The following BRMS1L variants were observed in gnomAD, a reference collection of about 807,000 sequenced individuals.
The protein encoded by BRMS1L is BRMS1 like transcriptional repressor.
BRMS1L carries 23 observed loss-of-function variants against 50.3 expected under a neutral mutation model. The ratio of observed to expected loss-of-function variants is 0.46; its 90% CI spans 0.33 to 0.65. BRMS1L has a LOEUF of 0.65. Among genes scored for constraint, BRMS1L ranks in the 30% least tolerant of loss-of-function variants. The probability of loss-of-function intolerance (pLI) is 0.02; values close to 1 mark genes in which losing one functional copy is unlikely to be tolerated. For synonymous variants in BRMS1L, 114 were observed against 126.9 expected, an observed-to-expected ratio of 0.90 and a Z score of 0.69; for missense variants, 286 against 386.1, an observed-to-expected ratio of 0.74 and a Z score of 2.17.
At chr14:35,829,873 T>C in intron 1 of BRMS1L, 2 of 1,218,680 alleles carry the variant, frequency 1.6e-6, no homozygotes, top group Non-Finnish European at 2.1e-6. Flanking sequence ...ATATGTGATA[T>C]GAACATAGAA....
At chr14:35,835,185 T>C (rs1374388131) in intron 4 of BRMS1L, among the ~76,000 whole-genome samples, 1 of 152,174 alleles carries the variant, frequency 6.6e-6, no homozygotes, top group African/African-American at 2.4e-5. Context: ...GCAACGATTA[T>C]GTCACCTGGC....
In BRMS1L at chr14:35,867,996, C is replaced by A. The variant is rs1175803073; in HGVS notation, c.818C>A (p.Thr273Lys). The part of the protein sequence containing the change: ...YDGEWYIRGQ[T>K]ICIDKKDECP... ...GGTGAATGGTATATACGTGGACAAA[C>A]AATATGTATTGATAAAAAAGATGAA... Residue 273 changes from threonine to lysine, a missense_variant, in exon 9 of 10, where the codon ACA (threonine) becomes AAA (lysine). This residue lies in a region of BRMS1L where 49 missense variants were observed against 39.1 expected (regional missense o/e 1.25). Coordinates refer to ENST00000216807, the MANE Select transcript of BRMS1L (RefSeq NM_032352.4). The A allele has an allele frequency of 1.2e-6, 2 of 1,608,430 alleles. No individual in the cohort carries two copies. The highest frequency in any genetic ancestry group is 2.2e-5 in the South Asian group (2 of 90,174).
chr14:35,838,804 C>T (rs1220016085), intron 4 of BRMS1L, among the ~76,000 whole-genome samples: 1 of 151,962 alleles, frequency 6.6e-6, no homozygotes, highest in Non-Finnish European at 1.5e-5. Context: ...CAAAAATTTT[C>T]TCCCATTCTG....
rs1022081513 is a variant in BRMS1L, at chr14:35,865,629, C to T, written c.688-93C>T. ...TTACTGTCTTTGTTATGGAGTTAATCGGTAATATTGTATATATTAAATAGA... is the reference window on the plus strand; with the variant it reads ...TTACTGTCTTTGTTATGGAGTTAATTGGTAATATTGTATATATTAAATAGA... On this transcript the variant is annotated intron_variant, in intron 7 of 9. Coordinates refer to ENST00000216807, the MANE Select transcript of BRMS1L (RefSeq NM_032352.4). The T allele has an allele frequency of 5.2e-5, 48 of 931,746 alleles. No homozygotes were observed. In the East Asian group the frequency reaches 8.9e-4, roughly 17 times the overall value. 57.7% of individuals were successfully genotyped at this position (931,746 alleles called of 1,614,324 possible). A position where few individuals can be genotyped will look rare whatever the true frequency, so the allele number is the denominator to read the frequency against.
intron 4 of BRMS1L, among the ~76,000 whole-genome samples, chr14:35,848,253 G>A (rs112253545): frequency 0.028 from 4,307 of 152,166 alleles, 153 homozygotes; most frequent in African/African-American, 0.081. Context: ...TAACATATCC[G>A]TCACCTCACG....
At chr14:35,860,874 G>A (rs561788912) in intron 4 of BRMS1L, among the ~76,000 whole-genome samples, 2 of 152,346 alleles carry the variant, frequency 1.3e-5, no homozygotes, top group East Asian at 1.9e-4. Flanking sequence ...GTCTAGATGT[G>A]AAGACTAGAG....
chr14:35,832,752 G>T (rs1266389248), intron 2 of BRMS1L, among the ~76,000 whole-genome samples: 1 of 151,990 alleles, frequency 6.6e-6, no homozygotes, highest in African/African-American at 2.4e-5. Flanking sequence ...TTATTTTTTT[G>T]TATTGGGAAT....
At chr14:35,851,819 C>T (rs1178594527) in intron 4 of BRMS1L, among the ~76,000 whole-genome samples, 3 of 152,150 alleles carry the variant, frequency 2.0e-5, no homozygotes, top group South Asian at 4.2e-4. Context: ...CTGAAGAAAA[C>T]GAAAGCAGTA....
At chr14:35,852,990 G>GTATCTATCTATCTATCTATCTATC (rs72342569) in intron 4 of BRMS1L, among the ~76,000 whole-genome samples, 18 of 148,842 alleles carry the variant, frequency 1.2e-4, no homozygotes, top group African/African-American at 3.0e-4. Flanking sequence ...CTTTATATCT[G>GTATCTATCTATCTATCTATCTATC]TATCTATCTA....
chr14:35,864,794 G>A, intron 6 of BRMS1L, 141 bp from the exon 7 acceptor site: 1 of 627,832 alleles, frequency 1.6e-6, no homozygotes, highest in East Asian at 3.0e-5. Context: ...TAAGTGGTTT[G>A]AAGAATAATT....
At chr14:35,855,049 G>C (rs1262283583) in intron 4 of BRMS1L, among the ~76,000 whole-genome samples, 1 of 152,178 alleles carries the variant, frequency 6.6e-6, no homozygotes, top group South Asian at 2.1e-4. Context: ...TTACATTGTA[G>C]TCCTTCGGGG....
At chr14:35,839,801 A>G (rs896654107) in intron 4 of BRMS1L, among the ~76,000 whole-genome samples, 3 of 152,198 alleles carry the variant, frequency 2.0e-5, no homozygotes, top group Admixed American at 1.3e-4. Context: ...TAAATATACA[A>G]TCGTGTCATC....
At chr14:35,843,607 A>G (rs536159511) in intron 4 of BRMS1L, among the ~76,000 whole-genome samples, 1 of 152,254 alleles carries the variant, frequency 6.6e-6, no homozygotes, top group South Asian at 2.1e-4. Context: ...CTCCTGTATG[A>G]GGTGTCTGTC....
At chr14:35,840,978 G>A (rs1291035097) in intron 4 of BRMS1L, among the ~76,000 whole-genome samples, 2 of 152,142 alleles carry the variant, frequency 1.3e-5, no homozygotes, top group African/African-American at 4.8e-5. Flanking sequence ...GTTTTCTCCT[G>A]TGGGCATTCA....
At chr14:35,868,489 A>C (rs1170795880) in intron 9 of BRMS1L, among the ~76,000 whole-genome samples, 2 of 152,242 alleles carry the variant, frequency 1.3e-5, no homozygotes, top group South Asian at 4.1e-4. Flanking sequence ...AATAGTAATT[A>C]AAGTATAATC....
chr14:35,826,749 A>T (rs899745795), intron 1 of BRMS1L, 91 bp downstream of exon 1: 2 of 1,532,800 alleles, frequency 1.3e-6, no homozygotes, highest in African/African-American at 2.7e-5. Context: ...CCTGCTGGGA[A>T]AGCGGGGCGG....
At chr14:35,826,987 C>G (rs1206335181) in intron 1 of BRMS1L, among the ~76,000 whole-genome samples, 3 of 152,204 alleles carry the variant, frequency 2.0e-5, no homozygotes, top group African/African-American at 7.2e-5. Flanking sequence ...TCTCCCCAGC[C>G]CACCGACCTC....
chr14:35,830,861 A>G (rs2077910490), intron 1 of BRMS1L, among the ~76,000 whole-genome samples: 2 of 152,328 alleles, frequency 1.3e-5, no homozygotes, highest in African/African-American at 4.8e-5. Context: ...AAGTGATTTA[A>G]AAATGAATAA....
At chr14:35,833,818 G>C (rs985718163) in intron 3 of BRMS1L, among the ~76,000 whole-genome samples, 3 of 152,118 alleles carry the variant, frequency 2.0e-5, no homozygotes, top group African/African-American at 4.8e-5. Flanking sequence ...GTACCTGTTA[G>C]ATAATACCTA....
Sources: allele counts gnomAD v4.1 joint callset (sites outside exome capture counted in the v4.1 genomes callset), GRCh38; gene constraint gnomAD v4.1.1; regional missense constraint gnomAD v4.1.1; transcripts MANE v1.5; gene names NCBI Gene and HGNC (gene_info 2026-07-23, HGNC 2026-07-21).